Variants in TBK1 observed in about 807,000 individuals in gnomAD.
TBK1 encodes the protein TANK binding kinase 1.
TBK1 carries 37 observed loss-of-function variants against 99.9 expected under a neutral mutation model. That is an observed-to-expected ratio of 0.37 (90% CI 0.28 to 0.49). The LOEUF (loss-of-function observed/expected upper bound fraction) is 0.49. Among genes scored for constraint, TBK1 ranks in the 20% least tolerant of loss-of-function variants. The pLI, the probability that TBK1 is intolerant of heterozygous loss-of-function variation, is 0.98. For missense variants in TBK1, 644 were observed against 872.5 expected (o/e 0.74, Z 3.30); for synonymous variants, 258 against 279.8 (o/e 0.92, Z 0.78).
intron 12 of TBK1, among the ~76,000 whole-genome samples, chr12:64,489,593 G>C (rs2040849004): frequency 6.7e-6 from 1 of 148,788 alleles, no homozygotes; most frequent in Non-Finnish European, 1.5e-5. Flanking sequence ...TTTTGAGAGA[G>C]AGTCTCACTC....
intron 7 of TBK1, 112 bp downstream of exon 7, chr12:64,480,234 A>T: frequency 1.5e-6 from 1 of 661,750 alleles, no homozygotes; most frequent in Non-Finnish European, 2.5e-6. Flanking sequence ...TATTTTAATT[A>T]GATATTGTCA....
chr12:64,473,404 T>C (rs139711826), intron 5 of TBK1, among the ~76,000 whole-genome samples: 9 of 152,308 alleles, frequency 5.9e-5, no homozygotes, highest in African/African-American at 2.2e-4. Context: ...AAAGGAGTTT[T>C]GTGGTCAATT....
intron 3 of TBK1, among the ~76,000 whole-genome samples, chr12:64,463,672 C>T (rs1479159572): frequency 7.3e-6 from 1 of 137,926 alleles, no homozygotes; most frequent in African/African-American, 2.8e-5. Context: ...GCACTCCAGT[C>T]TGGGTGACAG....
chr12:64,497,129 G>T, intron 17 of TBK1, 34 bp from the exon 18 acceptor site: 1 of 1,583,048 alleles, frequency 6.3e-7, no homozygotes, highest in South Asian at 1.1e-5. Context: ...TGCTTCACTA[G>T]ACTGCATATC....
intron 5 of TBK1, among the ~76,000 whole-genome samples, chr12:64,473,955 G>A (rs2040686477): frequency 6.6e-6 from 1 of 152,030 alleles, no homozygotes; most frequent in South Asian, 2.1e-4. Context: ...ACAGATTCAG[G>A]TAGGTTGTAT....
intron 6 of TBK1, among the ~76,000 whole-genome samples, chr12:64,476,175 T>C: frequency 8.5e-6 from 1 of 116,976 alleles, no homozygotes; most frequent in African/African-American, 2.9e-5. Context: ...TTTTTTTTTT[T>C]GAGATGGAGT....
chr12:64,455,822 ATT>A lies in TBK1; in HGVS notation c.-31-9_-31-8del. ...TTACTCCCTTAAAACATAGTTGCAA[ATT>A]TTTTTTTTCTCTTAGTATAACAAGA... On this transcript the variant is annotated splice_polypyrimidine_tract_variant and intron_variant, in intron 1 of 20. Coordinates refer to ENST00000331710, the MANE Select transcript of TBK1 (RefSeq NM_013254.4). The A allele has an allele frequency of 1.5e-6, 2 of 1,361,620 alleles. No individual in the cohort carries two copies. Among genetic ancestry groups the A allele is most frequent in the South Asian group, 1.3e-5 (1 of 74,630 alleles). The allele number at this position is 1,361,620 out of a possible 1,614,324, so 84.3% of individuals were successfully genotyped here.
intron 8 of TBK1, among the ~76,000 whole-genome samples, chr12:64,483,109 A>G (rs2040783883): frequency 6.6e-6 from 1 of 152,234 alleles, no homozygotes; most frequent in Admixed American, 6.5e-5. Flanking sequence ...ATTATCGTTA[A>G]TAATAACTTA....
chr12:64,463,289 G>A (rs1307182178), intron 3 of TBK1, among the ~76,000 whole-genome samples: 1 of 151,710 alleles, frequency 6.6e-6, no homozygotes, highest in Non-Finnish European at 1.5e-5. Flanking sequence ...GGAGAATGGA[G>A]AGTGGCGTGA....
intron 20 of TBK1, among the ~76,000 whole-genome samples, chr12:64,500,375 C>A (rs899155139): frequency 3.9e-5 from 6 of 152,116 alleles, no homozygotes; most frequent in African/African-American, 1.4e-4. Flanking sequence ...CTTCTTTATA[C>A]CCTCTCAACA....
intron 20 of TBK1, among the ~76,000 whole-genome samples, chr12:64,500,751 A>ATTT (rs2040979844): frequency 8.2e-6 from 1 of 121,948 alleles, no homozygotes; most frequent in African/African-American, 2.8e-5. Flanking sequence ...CCAACTCGGT[A>ATTT]TCTTTTTTTT....
chr12:64,484,173 G>A (rs919691850), intron 8 of TBK1, 130 bp from the exon 9 acceptor site: 2 of 623,346 alleles, frequency 3.2e-6, no homozygotes, highest in Non-Finnish European at 5.4e-6. Flanking sequence ...CATTAACAAA[G>A]CAAGTTTATA....
Position 64,460,305 on chromosome 12 carries a change from C to A in TBK1, c.204C>A (p.Val68=). The A allele has an allele frequency of 1.9e-6, 3 of 1,565,562 alleles. No homozygotes were observed. The highest frequency in any genetic ancestry group is 1.2e-5 in the South Asian group (1 of 82,644). Residue 68 remains valine (V), a synonymous_variant, in exon 3 of 21, where the codon GTC becomes GTA. Coordinates refer to ENST00000331710, the MANE Select transcript of TBK1 (RefSeq NM_013254.4). The stretch of plus-strand genomic sequence containing the variant: ...AAAAACTCAATCACAAAAATATTGT[C>A]AAATTATTTGCTATTGAAGAGGAGG... ...VLKKLNHKNI[V]KLFAIEEETT...
chr12:64,486,107 G>T, intron 11 of TBK1, 90 bp downstream of exon 11: 1 of 817,088 alleles, frequency 1.2e-6, no homozygotes, highest in Non-Finnish European at 1.9e-6. Flanking sequence ...GTTAGGTTAG[G>T]TGCTTGATTT....
At chr12:64,476,901 C>G (rs1053378573) in intron 6 of TBK1, among the ~76,000 whole-genome samples, 1 of 152,098 alleles carries the variant, frequency 6.6e-6, no homozygotes, top group African/African-American at 2.4e-5. Context: ...CTAGTTTTCC[C>G]AGCACCATTT....
intron 20 of TBK1, among the ~76,000 whole-genome samples, 162 bp downstream of exon 20, chr12:64,498,201 A>G (rs1433465436): frequency 6.6e-6 from 1 of 152,202 alleles, no homozygotes; most frequent in Non-Finnish European, 1.5e-5. Flanking sequence ...ATGCCTTTTA[A>G]TGGTTGATTA....
intron 13 of TBK1, among the ~76,000 whole-genome samples, chr12:64,490,389 G>GATC (rs1442438282): frequency 6.6e-6 from 1 of 152,104 alleles, no homozygotes; most frequent in East Asian, 1.9e-4. Flanking sequence ...TTATAGAGAT[G>GATC]ATATTTCTCA....
chr12:64,492,364 T>G (rs921989158), intron 13 of TBK1, among the ~76,000 whole-genome samples: 2 of 152,258 alleles, frequency 1.3e-5, no homozygotes, highest in Non-Finnish European at 2.9e-5. Flanking sequence ...TGGAGTGCAG[T>G]GGCGCGATCT....
intron 5 of TBK1, among the ~76,000 whole-genome samples, chr12:64,467,483 A>C (rs1031257580): frequency 6.6e-6 from 1 of 152,104 alleles, no homozygotes; most frequent in Admixed American, 6.6e-5. Flanking sequence ...TGTTAGAAAC[A>C]CACACACACA....
Sources: allele counts gnomAD v4.1 joint callset (sites outside exome capture counted in the v4.1 genomes callset), GRCh38; gene constraint gnomAD v4.1.1; transcripts MANE v1.5; gene names NCBI Gene and HGNC (gene_info 2026-07-23, HGNC 2026-07-21).